The following ZNF544 variants were observed in gnomAD, a reference collection of about 807,000 sequenced individuals.
ZNF544 encodes the protein zinc finger protein AF020591.
ZNF544 carries 10 observed loss-of-function variants against 13.5 expected under a neutral mutation model. That is an observed-to-expected ratio of 0.74 (90% confidence interval 0.46 to 1.25). The LOEUF (loss-of-function observed/expected upper bound fraction) is 1.25. ZNF544 is among the 50% of genes most tolerant of loss of function. The pLI is 0.00. For missense variants in ZNF544, 896 were observed against 845.6 expected, an observed-to-expected ratio of 1.06 and a Z score of -0.74; for synonymous variants, 323 against 300.5, an observed-to-expected ratio of 1.07 and a Z score of -0.77.
At chr19:58,237,211 G>A (rs2042603644) in intron 3 of ZNF544, among the ~76,000 whole-genome samples, 1 of 152,032 alleles carries the variant, frequency 6.6e-6, no homozygotes, top group South Asian at 2.1e-4. Flanking sequence ...CTACAGGTGT[G>A]CGCCACCACA....
At chr19:58,252,407 C>T (rs560782587) in intron 6 of ZNF544, among the ~76,000 whole-genome samples, 20 of 152,280 alleles carry the variant, frequency 1.3e-4, no homozygotes, top group African/African-American at 4.6e-4. Flanking sequence ...AAGAATTTAC[C>T]ATACAGGATC....
chr19:58,244,774 G>A (rs2044714105), intron 4 of ZNF544, among the ~76,000 whole-genome samples: 1 of 152,012 alleles, frequency 6.6e-6, no homozygotes, highest in African/African-American at 2.4e-5. Context: ...ACAGGGTTTT[G>A]CCATGTTGCT....
intron 4 of ZNF544, among the ~76,000 whole-genome samples, chr19:58,244,475 G>A (rs1192674640): frequency 6.6e-6 from 1 of 152,096 alleles, no homozygotes; most frequent in Admixed American, 6.6e-5. Flanking sequence ...TAAATGGTGA[G>A]GGCCCTCTCT....
rs1400887594 is a variant in ZNF544, at chr19:58,261,626, T to G, written c.1020T>G (p.Ser340=). ...GTGCTGCCTTCCCCATGGCCTCATC[T>G]TTTTCTGACTGTAACATCATTCAGA... ...ERCAAFPMAS[S]FSDCNIIQTT... is the part of the protein sequence containing the mutation. Residue 340 remains serine (S), a synonymous_variant, in exon 7 of 7, where the codon TCT becomes TCG. Coordinates refer to ENST00000687789, the MANE Select transcript of ZNF544 (RefSeq NM_014480.4). The G allele has an allele frequency of 6.2e-7, 1 of 1,614,106 alleles. No individual in the cohort carries two copies. Among genetic ancestry groups the G allele is most frequent in the African/African-American group, 1.3e-5 (1 of 74,936 alleles).
chr19:58,231,189 C>G (rs1469447469), intron 3 of ZNF544, among the ~76,000 whole-genome samples: 1 of 151,982 alleles, frequency 6.6e-6, no homozygotes, highest in East Asian at 1.9e-4. Flanking sequence ...AGAAAAAGAA[C>G]AGGGGCATTG....
rs770318094 is a variant in ZNF544 at position 58,262,953 on chromosome 19, C to T, written c.*199C>T. The T allele has an allele frequency of 1.4e-6, 2 of 1,390,560 alleles. No homozygotes were observed. Among genetic ancestry groups the T allele is most frequent in the Non-Finnish European group, 9.3e-7 (1 of 1,074,022 alleles). 86.1% of individuals were successfully genotyped at this position (1,390,560 alleles called of 1,614,324 possible). Reference sequence around the variant, plus strand: ...GGGAAAGCCTTCAATGATCGCTCAACCCTTAGTAAACACGAGAGGACACAC... The same window carrying T: ...GGGAAAGCCTTCAATGATCGCTCAATCCTTAGTAAACACGAGAGGACACAC... On this transcript the variant is annotated 3_prime_UTR_variant, in exon 7 of 7. Transcript: ENST00000687789.
chr19:58,241,422 C>T (rs2043829814), intron 3 of ZNF544, among the ~76,000 whole-genome samples: 1 of 151,140 alleles, frequency 6.6e-6, no homozygotes, highest in African/African-American at 2.4e-5. Context: ...ATACTTTAAA[C>T]CTTTTTTGGT....
intron 3 of ZNF544, among the ~76,000 whole-genome samples, chr19:58,230,953 C>T (rs769066014): frequency 2.6e-5 from 4 of 152,050 alleles, no homozygotes; most frequent in Non-Finnish European, 5.9e-5. Flanking sequence ...TTTGTCTGCA[C>T]AGAGAGGACA....
At chr19:58,231,215 G>T (rs979892304) in intron 3 of ZNF544, among the ~76,000 whole-genome samples, 2 of 152,190 alleles carry the variant, frequency 1.3e-5, no homozygotes, top group African/African-American at 4.8e-5. Context: ...GGCTGGGGTG[G>T]GGTGTACCAG....
At chr19:58,258,740 G>T (rs1359080275) in intron 6 of ZNF544, 1 of 152,780 alleles carries the variant, frequency 6.5e-6, no homozygotes, top group Non-Finnish European at 1.5e-5. Context: ...GCCACAGAGT[G>T]TAGTTAATGT....
rs748860058 is a variant in ZNF544, at chr19:58,261,875, T to G, written c.1269T>G (p.Leu423=). Residue 423 remains leucine (L), a synonymous_variant, in exon 7 of 7, where the codon CTT becomes CTG. Transcript: ENST00000687789. The part of the protein sequence containing the change: ...CGKSFTQRSK[L]ITHQRIHTGE... ...AATCCTTCACCCAGAGATCCAAACT[T>G]ATTACACATCAGCGAATTCACACTG... 6.2e-7 allele frequency: 1 copy of G among 1,612,484 alleles called. No individual in the cohort carries two copies. Among genetic ancestry groups the G allele is most frequent in the Non-Finnish European group, 8.5e-7 (1 of 1,179,650 alleles).
chr19:58,268,281 A>T (rs1032962011), downstream of ZNF544, among the ~76,000 whole-genome samples: 1 of 152,220 alleles, frequency 6.6e-6, no homozygotes, highest in Admixed American at 6.5e-5. Context: ...AGCCTGGGCA[A>T]CAAGAGTGAA....
At chr19:58,255,292 C>T (rs980711267) in intron 6 of ZNF544, among the ~76,000 whole-genome samples, 11 of 152,140 alleles carry the variant, frequency 7.2e-5, no homozygotes, top group African/African-American at 2.2e-4. Flanking sequence ...TCTCCTGCCT[C>T]AGCCTCCTGA....
At chr19:58,277,102 G>T in intron 6 of ZNF544, 1 of 1,057,462 alleles carries the variant, frequency 9.5e-7, no homozygotes, top group Non-Finnish European at 1.2e-6. Context: ...CTGGTCTCAT[G>T]AGGCCTAGAG....
chr19:58,241,178 T>TTTA (rs1568460931), intron 3 of ZNF544, among the ~76,000 whole-genome samples: 1 of 95,712 alleles, frequency 1.0e-5, no homozygotes, highest in Non-Finnish European at 1.9e-5. Flanking sequence ...TATATATATA[T>TTTA]ATTTTTTTTT....
intron 3 of ZNF544, among the ~76,000 whole-genome samples, chr19:58,237,079 T>C (rs77036647): frequency 1.5e-4 from 23 of 149,016 alleles, no homozygotes; most frequent in South Asian, 4.3e-4. Context: ...TTTTTTTTTT[T>C]CCCCACATAG....
At chr19:58,253,220 C>G (rs1275211698) in intron 6 of ZNF544, among the ~76,000 whole-genome samples, 2 of 152,182 alleles carry the variant, frequency 1.3e-5, no homozygotes, top group African/African-American at 2.4e-5. Flanking sequence ...ACATTTATCC[C>G]AATTTCATTT....
downstream of ZNF544, among the ~76,000 whole-genome samples, chr19:58,264,668 G>C (rs966650190): frequency 1.3e-5 from 2 of 151,786 alleles, no homozygotes; most frequent in Admixed American, 6.6e-5. Flanking sequence ...TCTAGCTTGG[G>C]CAACAGGGCA....
downstream of ZNF544, chr19:58,263,709 C>T: frequency 2.1e-6 from 1 of 465,448 alleles, no homozygotes; most frequent in Non-Finnish European, 2.8e-6. Context: ...GCCTGTAATC[C>T]CAGCACTTTG....
Sources: gnomAD v4.1 joint callset for allele counts (sites outside exome capture counted in the v4.1 genomes callset) on GRCh38, gnomAD v4.1.1 for gene constraint, MANE v1.5 for transcripts, NCBI Gene and HGNC (gene_info 2026-07-23, HGNC 2026-07-21) for gene names.